The following PDE1C variants were observed in gnomAD, a reference collection of about 807,000 sequenced individuals.
PDE1C encodes the protein dual specificity calcium/calmodulin-dependent 3',5'-cyclic nucleotide phosphodiesterase 1C.
In PDE1C, 62 loss-of-function variants were observed where a neutral mutation model predicts 93.1. The observed-to-expected ratio is 0.67, with a 90% CI of 0.54 to 0.82. The LOEUF is 0.82. Ranked by LOEUF, PDE1C falls within the 40% of genes least tolerant of loss-of-function variation. The pLI is 0.00. For missense variants in PDE1C, 742 were observed against 884.6 expected, an observed-to-expected ratio of 0.84 and a Z score of 2.04; for synonymous variants, 325 against 310.1, an observed-to-expected ratio of 1.05 and a Z score of -0.50.
intron 1 of PDE1C, among the ~76,000 whole-genome samples, chr7:32,404,243 G>A (rs1330117982): frequency 1.3e-5 from 2 of 152,192 alleles, no homozygotes; most frequent in African/African-American, 4.8e-5. Context: ...TACATATAAA[G>A]CATTTAGAAA....
intron 17 of PDE1C, among the ~76,000 whole-genome samples, chr7:31,772,375 G>T (rs2128625024): frequency 6.6e-6 from 1 of 152,208 alleles, no homozygotes; most frequent in Non-Finnish European, 1.5e-5. Context: ...TCAGGTTATA[G>T]CCCTAGCTCT....
rs551272346 is a variant in PDE1C, at chr7:31,859,980, C to T, written c.750+4962G>A. 2.6e-5 allele frequency among the ~76,000 whole-genome samples: 4 copies of T among 152,198 alleles called. No individual in the cohort carries two copies. In the South Asian group the frequency reaches 6.2e-4, roughly 24 times the overall value. On this transcript the variant is annotated intron_variant, in intron 7 of 17. Transcript: ENST00000396191. Reference sequence around the variant, plus strand: ...AACTCCCTATTGATAGGTATATACTCCGTAATTGTTCACTATGGCAAACAT... The same window carrying T: ...AACTCCCTATTGATAGGTATATACTTCGTAATTGTTCACTATGGCAAACAT...
chr7:32,363,769 A>T (rs1744833050), intron 1 of PDE1C, among the ~76,000 whole-genome samples: 1 of 152,238 alleles, frequency 6.6e-6, no homozygotes, highest in Admixed American at 6.5e-5. Context: ...ACTGGCTGCT[A>T]CTTAAAAGCT....
the PDE1C span, chr7:31,655,890 TA>T: frequency 1.0e-6 from 1 of 985,530 alleles, no homozygotes. Flanking sequence ...CACCTGGCTC[TA>T]GGATGTCCCT....
intron 3 of PDE1C, among the ~76,000 whole-genome samples, chr7:32,112,838 G>A (rs1186979306): frequency 3.9e-4 from 24 of 61,322 alleles, no homozygotes; most frequent in African/African-American, 1.4e-3. Context: ...GTGTGTGTGT[G>A]TGTGTGTGTA....
chr7:31,865,204 T>C (rs1274649227), intron 6 of PDE1C, 122 bp from the exon 7 acceptor site: 17 of 836,800 alleles, frequency 2.0e-5, no homozygotes, highest in Non-Finnish European at 2.6e-5. Flanking sequence ...AATTGGAACT[T>C]ACACAGTTAA....
rs1801629769 is a variant in PDE1C at position 32,157,244 on chromosome 7, AGAAG to A, written c.308+12537_308+12540del. On this transcript the variant is annotated intron_variant, in intron 3 of 18. Transcript: ENST00000396193. ...CCCCCTCCCTATTTCAAATACAGTT[AGAAG>A]GAATAAGTTCTAGTATTCGATAGTA... Among the ~76,000 whole-genome samples, 5 of 152,350 alleles carry A rather than the reference AGAAG, an allele frequency of 3.3e-5. No homozygotes were observed. The South Asian group carries it at 1.0e-3, about 32-fold the overall frequency.
the PDE1C span, among the ~76,000 whole-genome samples, chr7:31,618,680 T>C: frequency 6.6e-6 from 1 of 152,150 alleles, no homozygotes; most frequent in Non-Finnish European, 1.5e-5. Flanking sequence ...TATTAGGGCT[T>C]ACCAATAATT....
chr7:31,626,182 G>A, the PDE1C span, among the ~76,000 whole-genome samples: 1 of 152,120 alleles, frequency 6.6e-6, no homozygotes, highest in East Asian at 1.9e-4. Context: ...GCATCTTTGG[G>A]CTTTCTTTTT....
the PDE1C span, chr7:31,652,906 C>T: frequency 6.5e-7 from 1 of 1,546,976 alleles, no homozygotes; most frequent in Non-Finnish European, 8.7e-7. Context: ...TCAATTTTCC[C>T]CAAGGAGAAG....
At chr7:31,620,601 C>A in the PDE1C span, among the ~76,000 whole-genome samples, 1 of 150,428 alleles carries the variant, frequency 6.6e-6, no homozygotes, top group Non-Finnish European at 1.5e-5. Flanking sequence ...ACACCAAAAA[C>A]CCATCTGTAC....
chr7:32,209,543 G>GAAAA lies in PDE1C; in HGVS notation c.86-8_86-5dup. 5.1e-6 allele frequency: 7 copies of GAAAA among 1,369,310 alleles called. No individual in the cohort carries two copies. The African/African-American group carries it at 8.7e-5, about 17-fold the overall frequency. The allele number at this position is 1,369,310 out of a possible 1,614,324, so 84.8% of individuals were successfully genotyped here. The stretch of plus-strand genomic sequence containing the variant: ...TTGTCTCCAGCTTCATTTGCAACTA[G>GAAAA]AAAAAAAAAAGAGGATGCAATTTAA... On this transcript the variant is annotated splice_region_variant and splice_polypyrimidine_tract_variant and intron_variant, in intron 1 of 18. Transcript: ENST00000396193.
At chr7:31,673,444 C>A in the PDE1C span, among the ~76,000 whole-genome samples, 15 of 152,092 alleles carry the variant, frequency 9.9e-5, no homozygotes, top group African/African-American at 3.4e-4. Flanking sequence ...GTGTCTCTCT[C>A]TCTTTAATAT....
chr7:31,808,108 T>C (rs576833194), intron 16 of PDE1C: 14 of 402,028 alleles, frequency 3.5e-5, no homozygotes, highest in Non-Finnish European at 6.6e-5. Flanking sequence ...TCCTTTATAA[T>C]AGATGTGCAA....
At chr7:32,154,583 CATT>C (rs1398122185) in intron 3 of PDE1C, among the ~76,000 whole-genome samples, 2 of 152,192 alleles carry the variant, frequency 1.3e-5, no homozygotes, top group Non-Finnish European at 2.9e-5. Flanking sequence ...ATCCTCCCAT[CATT>C]ATTGTTTCCA....
chr7:31,796,568 T>G (rs944904999), intron 16 of PDE1C, among the ~76,000 whole-genome samples: 27 of 151,734 alleles, frequency 1.8e-4, no homozygotes, highest in Admixed American at 1.4e-3. Flanking sequence ...ATGACTCAGA[T>G]GAAATGCTAG....
intron 3 of PDE1C, among the ~76,000 whole-genome samples, chr7:32,114,997 C>T (rs1207130175): frequency 6.6e-6 from 1 of 152,092 alleles, no homozygotes; most frequent in Non-Finnish European, 1.5e-5. Context: ...GAAATAGGAA[C>T]ACTTTTACAC....
At chr7:31,842,087 C>T (rs1374735320) in intron 9 of PDE1C, among the ~76,000 whole-genome samples, 1 of 152,156 alleles carries the variant, frequency 6.6e-6, no homozygotes, top group Non-Finnish European at 1.5e-5. Context: ...ACAGAAACAA[C>T]AGAATAATGC....
At chr7:31,878,661 T>C (rs148845164) in intron 4 of PDE1C, among the ~76,000 whole-genome samples, 1 of 152,098 alleles carries the variant, frequency 6.6e-6, no homozygotes, top group Non-Finnish European at 1.5e-5. Context: ...CCTCAAAGCA[T>C]CCCAGATCTG....
Sources: allele counts gnomAD v4.1 joint callset (sites outside exome capture counted in the v4.1 genomes callset), GRCh38; gene constraint gnomAD v4.1.1; transcripts MANE v1.5; gene names NCBI Gene and HGNC (gene_info 2026-07-23, HGNC 2026-07-21).